Variants in FBN1 observed in about 807,000 individuals in gnomAD.
FBN1 encodes the protein fibrillin-1.
A neutral mutation model predicts 365.1 loss-of-function variants in FBN1; 29 were observed. The observed-to-expected ratio is 0.08, with a 90% CI of 0.06 to 0.11. FBN1 has a LOEUF of 0.11. Among genes scored for constraint, FBN1 ranks in the 10% least tolerant of loss-of-function variants. FBN1 has a pLI of 1.00. For missense variants in FBN1, 2,476 were observed against 3,703.2 expected, an observed-to-expected ratio of 0.67 and a Z score of 8.60; for synonymous variants, 1,210 against 1,270.5, an observed-to-expected ratio of 0.95 and a Z score of 1.01.
At chr15:48,637,779 AAGG>A (rs1426410507) in intron 2 of FBN1, among the ~76,000 whole-genome samples, 1 of 152,198 alleles carries the variant, frequency 6.6e-6, no homozygotes. Context: ...CTCTGCCTTC[AAGG>A]AGTTCTCACT....
chr15:48,459,119 C>T (rs2043262623), intron 43 of FBN1, among the ~76,000 whole-genome samples: 1 of 152,228 alleles, frequency 6.6e-6, no homozygotes, highest in Non-Finnish European at 1.5e-5. Flanking sequence ...TCCTAGTGGA[C>T]AACGCTAATG....
In FBN1 at chr15:48,498,986, A is replaced by C. The variant is rs752207298; in HGVS notation, c.2166T>G (p.Ser722Arg). The C allele has an allele frequency of 6.2e-7, 1 of 1,614,136 alleles. No individual in the cohort carries two copies. The highest frequency in any genetic ancestry group is 8.5e-7 in the Non-Finnish European group (1 of 1,179,942). Residue 722 changes from serine to arginine, a missense_variant and splice_region_variant, in exon 18 of 66, where the codon AGT (serine) becomes AGG (arginine). By Grantham distance (110) the Ser-to-Arg change is moderately radical. Around this residue, in one of 5 missense-constraint regions of FBN1, gnomAD observed 1,780 missense variants for 2,840.8 expected, o/e 0.63. Coordinates refer to ENST00000316623, the MANE Select transcript of FBN1 (RefSeq NM_000138.5). ...SSGPGMTSAG[S>R]DINECALDPD... The stretch of plus-strand genomic sequence containing the variant: ...GTAAATTTTGAAAGGAATCCTTACC[A>C]CTGCCTGCTGACGTCATTCCTGGCC...
rs1566888580 is a variant in FBN1 at position 48,411,095 on chromosome 15, A to G, written c.8511T>C (p.Tyr2837=). Residue 2837 remains tyrosine (Y), a synonymous_variant, in exon 66 of 66, where the codon TAT becomes TAC. Transcript: ENST00000316623. ...YSLQISSTPL[Y]KKKELNQLED... ...CTAGTTGGTTAAGTTCTTTCTTTTT[A>G]TAAAGTGGAGTACTACTGATTTGTA... 1.2e-6 allele frequency: 2 copies of G among 1,614,018 alleles called. No homozygotes were observed. Among genetic ancestry groups the G allele is most frequent in the Non-Finnish European group, 1.7e-6 (2 of 1,179,982 alleles).
chr15:48,456,339 C>CATTGCTGGA (rs1397144587), intron 44 of FBN1, among the ~76,000 whole-genome samples: 7 of 152,152 alleles, frequency 4.6e-5, no homozygotes, highest in Admixed American at 6.5e-5. Flanking sequence ...GAAACGAAAG[C>CATTGCTGGA]AATCTATGTG....
chr15:48,514,429 T>C (rs1047066860), intron 12 of FBN1, among the ~76,000 whole-genome samples: 6 of 152,180 alleles, frequency 3.9e-5, no homozygotes, highest in Non-Finnish European at 7.3e-5. Flanking sequence ...ATTAAATAGT[T>C]TGGGAAAGTA....
At chr15:48,426,024 G>A (rs2042977361) in intron 58 of FBN1, among the ~76,000 whole-genome samples, 160 bp from the exon 59 acceptor site, 1 of 152,162 alleles carries the variant, frequency 6.6e-6, no homozygotes, top group African/African-American at 2.4e-5. Flanking sequence ...ATATGTAACA[G>A]TAGCTATATC....
At chr15:48,533,456 T>C (rs2043989243) in intron 8 of FBN1, among the ~76,000 whole-genome samples, 1 of 152,222 alleles carries the variant, frequency 6.6e-6, no homozygotes, top group African/African-American at 2.4e-5. Flanking sequence ...GCAGTAGCAG[T>C]AGTGGTGACT....
chr15:48,634,288 C>T (rs1008594462), intron 2 of FBN1, among the ~76,000 whole-genome samples: 12 of 152,216 alleles, frequency 7.9e-5, no homozygotes, highest in African/African-American at 2.9e-4. Flanking sequence ...TGCTTTTCCA[C>T]TGCATTCCTC....
intron 36 of FBN1, among the ~76,000 whole-genome samples, chr15:48,469,586 G>C (rs1388030673): frequency 2.6e-5 from 4 of 152,262 alleles, no homozygotes; most frequent in South Asian, 2.1e-4. Context: ...CTGGAGAAGA[G>C]GGACAACACC....
intron 6 of FBN1, among the ~76,000 whole-genome samples, chr15:48,574,416 C>G (rs1175057106): frequency 2.0e-5 from 3 of 152,144 alleles, no homozygotes; most frequent in African/African-American, 7.2e-5. Context: ...TTTGTGACAG[C>G]AAGAGATAAG....
intron 2 of FBN1, among the ~76,000 whole-genome samples, chr15:48,634,311 T>C (rs1298159689): frequency 1.3e-5 from 2 of 152,250 alleles, no homozygotes; most frequent in African/African-American, 4.8e-5. Flanking sequence ...AATGTTTTCA[T>C]ACGAATCTTT....
chr15:48,590,610 T>TA (rs781615715), intron 6 of FBN1, among the ~76,000 whole-genome samples: 1 of 152,248 alleles, frequency 6.6e-6, no homozygotes, highest in African/African-American at 2.4e-5. Context: ...ACAATCAACC[T>TA]AGCTGTTGTT....
chr15:48,532,333 GC>G (rs1373161842), intron 8 of FBN1, among the ~76,000 whole-genome samples: 1 of 152,126 alleles, frequency 6.6e-6, no homozygotes, highest in Non-Finnish European at 1.5e-5. Context: ...AACTGAGAAA[GC>G]CTAAAAGATA....
intron 6 of FBN1, among the ~76,000 whole-genome samples, chr15:48,542,832 T>TGTA (rs1491435027): frequency 2.9e-4 from 43 of 147,794 alleles, no homozygotes; most frequent in African/African-American, 1.0e-3. Context: ...TGTGTGTGTA[T>TGTA]TTTTTTTCCT....
intron 8 of FBN1, chr15:48,529,293 T>G (rs551649956): frequency 6.6e-6 from 1 of 152,418 alleles, no homozygotes; most frequent in South Asian, 2.1e-4. Context: ...CCCACTGGCT[T>G]CTTGCTGTGA....
chr15:48,524,429 A>G (rs1392022149), intron 9 of FBN1, among the ~76,000 whole-genome samples: 7 of 152,300 alleles, frequency 4.6e-5, no homozygotes, highest in Admixed American at 2.0e-4. Context: ...TTATACTGTC[A>G]GGGGCTATTT....
At chr15:48,438,416 C>T (rs1176426682) in intron 50 of FBN1, among the ~76,000 whole-genome samples, 1 of 152,104 alleles carries the variant, frequency 6.6e-6, no homozygotes, top group Admixed American at 6.6e-5. Flanking sequence ...AAAATAAAAT[C>T]CCAGATCACA....
At chr15:48,608,017 C>A (rs541475146) in intron 4 of FBN1, among the ~76,000 whole-genome samples, 1 of 152,222 alleles carries the variant, frequency 6.6e-6, no homozygotes, top group South Asian at 2.1e-4. Context: ...TGCTGAATGA[C>A]GAGTGTCGAG....
At chr15:48,579,165 T>C (rs2044372543) in intron 6 of FBN1, among the ~76,000 whole-genome samples, 1 of 152,066 alleles carries the variant, frequency 6.6e-6, no homozygotes, top group South Asian at 2.1e-4. Context: ...GCACAGAGAT[T>C]TCACCACGAG....
Sources: gnomAD v4.1 joint callset for allele counts (sites outside exome capture counted in the v4.1 genomes callset) on GRCh38, gnomAD v4.1.1 for gene constraint, gnomAD v4.1.1 regional missense constraint, MANE v1.5 for transcripts, NCBI Gene and HGNC (gene_info 2026-07-23, HGNC 2026-07-21) for gene names.